The following PCDH9 variants were observed in gnomAD, a reference collection of about 807,000 sequenced individuals.
PCDH9 encodes protocadherin-9.
PCDH9 carries 24 observed loss-of-function variants against 70.6 expected under a neutral mutation model. The observed-to-expected ratio is 0.34, with a 90% CI of 0.25 to 0.48. The LOEUF is 0.48. PCDH9 is among the 20% of genes least tolerant of loss of function. The probability of loss-of-function intolerance (pLI) is 0.99; values close to 1 mark genes in which losing one functional copy is unlikely to be tolerated. For synonymous variants in PCDH9, 562 were observed against 558.5 expected, an observed-to-expected ratio of 1.01 and a Z score of -0.09; for missense variants, 1,281 against 1,503.6, an observed-to-expected ratio of 0.85 and a Z score of 2.45.
chr13:66,381,907 C>T (rs925024786), intron 4 of PCDH9, among the ~76,000 whole-genome samples: 1 of 151,756 alleles, frequency 6.6e-6, no homozygotes, highest in African/African-American at 2.4e-5. Context: ...TAATTAAATC[C>T]TCACTTAGCA....
chr13:67,131,054 A>G (rs1294475762), intron 2 of PCDH9, among the ~76,000 whole-genome samples: 2 of 152,210 alleles, frequency 1.3e-5, no homozygotes, highest in Non-Finnish European at 2.9e-5. Context: ...GTGCTGGTAG[A>G]TTAAAATACA....
chr13:66,960,951 T>G (rs1001329142), intron 2 of PCDH9, among the ~76,000 whole-genome samples: 1 of 152,178 alleles, frequency 6.6e-6, no homozygotes, highest in African/African-American at 2.4e-5. Flanking sequence ...ATTGATTTAT[T>G]GGTCATCTCT....
intron 4 of PCDH9, among the ~76,000 whole-genome samples, chr13:66,554,770 T>G (rs1210144631): frequency 6.6e-6 from 1 of 152,048 alleles, no homozygotes; most frequent in South Asian, 2.1e-4. Flanking sequence ...AAATAACATA[T>G]TAGCAAATTA....
At chr13:66,975,986 T>C (rs2083611454) in intron 2 of PCDH9, among the ~76,000 whole-genome samples, 1 of 152,028 alleles carries the variant, frequency 6.6e-6, no homozygotes, top group African/African-American at 2.4e-5. Flanking sequence ...GAGGTGAATT[T>C]TGCTACGTTT....
intron 4 of PCDH9, among the ~76,000 whole-genome samples, chr13:66,442,848 A>C (rs1319043874): frequency 6.6e-6 from 1 of 152,212 alleles, no homozygotes; most frequent in Admixed American, 6.5e-5. Flanking sequence ...TTAGTCATTG[A>C]CAAAAAGAAT....
chr13:66,592,334 G>A (rs1235895669), intron 4 of PCDH9, among the ~76,000 whole-genome samples: 6 of 151,580 alleles, frequency 4.0e-5, no homozygotes, highest in African/African-American at 1.5e-4. Flanking sequence ...ATGATGGGGG[G>A]AAGAAAGGAA....
chr13:66,362,154 T>G (rs946173116), intron 4 of PCDH9, among the ~76,000 whole-genome samples: 18 of 152,208 alleles, frequency 1.2e-4, no homozygotes, highest in African/African-American at 3.9e-4. Flanking sequence ...TCTATTAGCT[T>G]TTGATAAAAT....
chr13:67,203,902 T>C (rs2089277375), intron 2 of PCDH9: 1 of 152,034 alleles, frequency 6.6e-6, no homozygotes, highest in Admixed American at 6.6e-5. Flanking sequence ...GTAGAAAATG[T>C]TGCCATAAAT....
At position 66,718,670 on chromosome 13, in the gene PCDH9, C is replaced by T. The variant is rs527728528; in HGVS notation, c.3139-87259G>A. ...GTTAAGTTACTACGTGAATTATAAG[C>T]AATTTTCGAGGGAACAACCAAAATG... On this transcript the variant is annotated intron_variant, in intron 3 of 4. Transcript: ENST00000377865. 8.5e-5 allele frequency among the ~76,000 whole-genome samples: 13 copies of T among 152,212 alleles called. No individual in the cohort carries two copies. The South Asian group carries it at 2.7e-3, about 32-fold the overall frequency.
At chr13:67,006,116 A>G (rs1330748602) in intron 2 of PCDH9, among the ~76,000 whole-genome samples, 3 of 152,100 alleles carry the variant, frequency 2.0e-5, no homozygotes, top group African/African-American at 7.2e-5. Context: ...AGTCCCAGCT[A>G]CTCGGGAGGC....
At chr13:66,872,529 A>G (rs2081713448) in intron 3 of PCDH9, among the ~76,000 whole-genome samples, 1 of 152,152 alleles carries the variant, frequency 6.6e-6, no homozygotes, top group Admixed American at 6.5e-5. Flanking sequence ...GTAAGTTAAA[A>G]AGTTTAAAAA....
intron 3 of PCDH9, among the ~76,000 whole-genome samples, chr13:66,863,740 C>T (rs146075539): frequency 1.9e-3 from 295 of 152,254 alleles, no homozygotes; most frequent in African/African-American, 6.6e-3. Context: ...CCAAAGTGAT[C>T]TGCCTCACAA....
At chr13:66,592,755 G>A (rs556446420) in intron 4 of PCDH9, among the ~76,000 whole-genome samples, 47 of 151,776 alleles carry the variant, frequency 3.1e-4, no homozygotes, top group African/African-American at 1.0e-3. Flanking sequence ...CAATCAAACA[G>A]TTCAAAAGAA....
chr13:67,215,530 C>T (rs2089582273), intron 2 of PCDH9: 1 of 152,004 alleles, frequency 6.6e-6, no homozygotes, highest in Admixed American at 6.6e-5. Context: ...GGTGAAGAGG[C>T]TTGGAAGTGA....
intron 2 of PCDH9, among the ~76,000 whole-genome samples, chr13:67,054,499 T>C (rs955949546): frequency 7.9e-5 from 12 of 152,184 alleles, no homozygotes; most frequent in Admixed American, 5.2e-4. Context: ...AAGCCCTAAT[T>C]AGCAGCCTCA....
chr13:66,895,770 T>A (rs2082167815), intron 3 of PCDH9, among the ~76,000 whole-genome samples: 1 of 152,236 alleles, frequency 6.6e-6, no homozygotes, highest in Non-Finnish European at 1.5e-5. Flanking sequence ...AGATATTGAT[T>A]TACACCTGTT....
intron 2 of PCDH9, among the ~76,000 whole-genome samples, chr13:67,043,793 G>T (rs1475772510): frequency 1.3e-5 from 2 of 152,118 alleles, no homozygotes; most frequent in African/African-American, 4.8e-5. Context: ...TGTGGCCATA[G>T]GATGGCTTCC....
intron 3 of PCDH9, among the ~76,000 whole-genome samples, chr13:66,807,409 C>A (rs561533537): frequency 8.5e-5 from 13 of 152,206 alleles, no homozygotes; most frequent in Admixed American, 7.9e-4. Context: ...AAACTCCGGT[C>A]CATCTCCTTG....
At chr13:67,081,339 C>A (rs1197198265) in intron 2 of PCDH9, among the ~76,000 whole-genome samples, 1 of 152,136 alleles carries the variant, frequency 6.6e-6, no homozygotes, top group Non-Finnish European at 1.5e-5. Context: ...GAGGCCCAGG[C>A]AGATGGATCA....
Sources: allele counts gnomAD v4.1 joint callset (sites outside exome capture counted in the v4.1 genomes callset), GRCh38; gene constraint gnomAD v4.1.1; transcripts MANE v1.5; gene names NCBI Gene and HGNC (gene_info 2026-07-23, HGNC 2026-07-21).